Variants in SBK1 observed in about 807,000 individuals in gnomAD.
SBK1 encodes the protein serine/threonine-protein kinase SBK1.
In SBK1, 11 loss-of-function variants were observed where a neutral mutation model predicts 24.4. That is an observed-to-expected ratio of 0.45 (90% CI 0.28 to 0.75). The LOEUF (loss-of-function observed/expected upper bound fraction) is 0.75, where lower values mean the gene tolerates loss of function less well. SBK1 is among the 30% of genes least tolerant of loss of function. SBK1 has a pLI of 0.12. For missense variants in SBK1, 467 were observed against 620.5 expected (o/e 0.75, Z 2.63); for synonymous variants, 308 against 284.4 (o/e 1.08, Z -0.83).
At chr16:28,279,284 A>C (rs563068410) in intron 1 of SBK1, among the ~76,000 whole-genome samples, 43 of 151,986 alleles carry the variant, frequency 2.8e-4, no homozygotes, top group South Asian at 1.9e-3. Context: ...CTGTGGTCCC[A>C]GCACTTTGGG....
intron 1 of SBK1, among the ~76,000 whole-genome samples, chr16:28,271,429 C>T (rs1393969627): frequency 5.9e-5 from 9 of 152,004 alleles, no homozygotes; most frequent in African/African-American, 9.7e-5. Context: ...TGGTGGCACA[C>T]GCCTGTAATC....
chr16:28,267,503 G>T (rs1350527182), intron 1 of SBK1, among the ~76,000 whole-genome samples: 1 of 152,210 alleles, frequency 6.6e-6, no homozygotes, highest in Non-Finnish European at 1.5e-5. Flanking sequence ...GCCATGGAAG[G>T]TAACATGTTC....
At chr16:28,286,975 G>A (rs1342533531) in intron 1 of SBK1, 1 of 151,480 alleles carries the variant, frequency 6.6e-6, no homozygotes, top group African/African-American at 2.4e-5. Context: ...GGAGCCTGTA[G>A]TACCAGCTAC....
At chr16:28,281,739 G>T (rs2044534308) in intron 1 of SBK1, among the ~76,000 whole-genome samples, 1 of 152,272 alleles carries the variant, frequency 6.6e-6, no homozygotes, top group Middle Eastern at 3.4e-3. Flanking sequence ...TGTGTAAAAG[G>T]CTTAGAACTC....
At chr16:28,309,663 G>A (rs1034024880) in intron 1 of SBK1, among the ~76,000 whole-genome samples, 1 of 152,192 alleles carries the variant, frequency 6.6e-6, no homozygotes, top group African/African-American at 2.4e-5. Context: ...TCGGGAGGCT[G>A]AGGCAAGAGG....
At position 28,292,917 on chromosome 16, in the gene SBK1, C is replaced by T. The variant is rs2044611576; in HGVS notation, c.-391C>T. ...AGGACTCCCCCTCCTCAGTCTGGGC[C>T]CCCGCCCCAAGACCTAGAACGCAGT... On this transcript the variant is annotated 5_prime_UTR_variant, in exon 1 of 4. Transcript: ENST00000341901. 1.1e-5 allele frequency: 11 copies of T among 974,902 alleles called. No homozygotes were observed. The South Asian group carries it at 4.3e-4, about 38-fold the overall frequency. The allele number at this position is 974,902 out of a possible 1,614,324, so 60.4% of individuals were successfully genotyped here.
At chr16:28,289,698 C>T (rs1355130251), upstream of SBK1, among the ~76,000 whole-genome samples, 1 of 150,846 alleles carries the variant, frequency 6.6e-6, no homozygotes, top group Admixed American at 6.6e-5. Context: ...ACCCGGGAGA[C>T]GGAGGCTGCA....
chr16:28,298,459 G>A (rs1013077743), intron 1 of SBK1, among the ~76,000 whole-genome samples: 3 of 152,228 alleles, frequency 2.0e-5, no homozygotes, highest in Non-Finnish European at 2.9e-5. Flanking sequence ...GAGTGCCCAG[G>A]TTTGAAGCCC....
In SBK1 at chr16:28,317,229, G is replaced by C. The variant is rs1350420843; in HGVS notation, c.-7-156G>C. 2.6e-5 allele frequency among the ~76,000 whole-genome samples: 4 copies of C among 152,198 alleles called. No individual in the cohort carries two copies. The highest frequency in any genetic ancestry group is 9.7e-5 in the African/African-American group (4 of 41,450). On this transcript the variant is annotated intron_variant, in intron 1 of 3. Coordinates refer to ENST00000341901, the MANE Select transcript of SBK1 (RefSeq NM_001024401.3). The surrounding 1 kb of genome is among the most constrained non-coding windows in gnomAD (Gnocchi z 4.2). Reference sequence around the variant, plus strand: ...TGGCCCCTGAGGCTTTGGGGAAGGCGACGCGACCAAGATGCTTGTCGCCCC... The same window carrying C: ...TGGCCCCTGAGGCTTTGGGGAAGGCCACGCGACCAAGATGCTTGTCGCCCC...
chr16:28,273,665 C>T (rs1263618910), intron 1 of SBK1, among the ~76,000 whole-genome samples: 1 of 152,182 alleles, frequency 6.6e-6, no homozygotes, highest in Non-Finnish European at 1.5e-5. Context: ...AACTCCTGAG[C>T]TCAAGCAGTC....
chr16:28,266,729 TTTTC>T (rs1431975454), intron 1 of SBK1, among the ~76,000 whole-genome samples: 2 of 123,314 alleles, frequency 1.6e-5, no homozygotes, highest in African/African-American at 7.0e-5. Flanking sequence ...TTCTTTTTTC[TTTTC>T]TTTTTTTTTT....
At chr16:28,261,696 A>C (rs1195579920) in intron 1 of SBK1, among the ~76,000 whole-genome samples, 1 of 152,210 alleles carries the variant, frequency 6.6e-6, no homozygotes, top group Non-Finnish European at 1.5e-5. Flanking sequence ...CTACACTCCC[A>C]GACCCTGCAT....
chr16:28,304,911 G>GT (rs2044705431), intron 1 of SBK1, among the ~76,000 whole-genome samples: 1 of 151,658 alleles, frequency 6.6e-6, no homozygotes, highest in Admixed American at 6.6e-5. Context: ...CACGGCAGCG[G>GT]TAATTTTTTT....
In SBK1 at chr16:28,292,540, C is replaced by G. The variant is rs1415112500; in HGVS notation, c.-768C>G. On this transcript the variant is annotated 5_prime_UTR_variant, in exon 1 of 4. Transcript: ENST00000341901. ...GCGGAGCCGCGATGCCGCGATGGAG[C>G]GCAGCCCGGGCGGGCGCCGGGGCCG... 1.3e-4 allele frequency: 124 copies of G among 978,738 alleles called. No individual in the cohort carries two copies. Among genetic ancestry groups the G allele is most frequent in the Admixed American group, 3.2e-4 (5 of 15,726 alleles). The allele number at this position is 978,738 out of a possible 1,614,324, so 60.6% of individuals were successfully genotyped here. A position where few individuals can be genotyped will look rare whatever the true frequency, so the allele number is the denominator to read the frequency against.
Position 28,259,451 on chromosome 16 carries a change from G to C in SBK1, c.206G>C (p.Cys69Ser). The C allele has an allele frequency of 1.0e-6, 1 of 986,138 alleles. No homozygotes were observed. Among genetic ancestry groups the C allele is most frequent in the Non-Finnish European group, 1.2e-6 (1 of 830,502 alleles). 61.1% of individuals were successfully genotyped at this position (986,138 alleles called of 1,614,324 possible). A position where few individuals can be genotyped will look rare whatever the true frequency, so the allele number is the denominator to read the frequency against. ...GATGTGCCGGCCTTCTGCTTCGTCT[G>C]CTTCCACAGGGAGGAGGAAGAGGAG... Residue 69 changes from cysteine to serine, a missense_variant, in exon 1 of 4, where the codon TGC (cysteine) becomes TCC (serine). Cys to Ser is a moderately radical substitution (Grantham distance 112). Coordinates refer to the SBK1 transcript ENST00000671413. This position sits in a 1 kb window ranked among gnomAD's most constrained non-coding sequence, Gnocchi z 6.0.
chr16:28,259,719 C>T lies in SBK1; in HGVS notation c.257+217C>T, dbSNP rs1180302211. 1.3e-5 allele frequency among the ~76,000 whole-genome samples: 2 copies of T among 152,156 alleles called. No individual in the cohort carries two copies. The highest frequency in any genetic ancestry group is 3.9e-4 in the East Asian group (2 of 5,186). On this transcript the variant is annotated intron_variant, in intron 1 of 3. Coordinates refer to the SBK1 transcript ENST00000671413. This position sits in a 1 kb window ranked among gnomAD's most constrained non-coding sequence, Gnocchi z 6.0. ...CACCCTAGCCCCAGAGTGGCTTTCA[C>T]GTCCTCTCCCACAGTGAGCATGTCC...
rs1202278461 is a variant in SBK1, at chr16:28,317,323, G to C, written c.-7-62G>C. 2 of 1,293,418 alleles carry C rather than the reference G, an allele frequency of 1.5e-6. No individual in the cohort carries two copies. Among genetic ancestry groups the C allele is most frequent in the Non-Finnish European group, 2.2e-6 (2 of 901,750 alleles). The allele number at this position is 1,293,418 out of a possible 1,614,324, so 80.1% of individuals were successfully genotyped here. ...TTTCTGGGTTCTGGGGAGGGCAGAG[G>C]GGCTGGAGGAGGGGACCCTTGCCTG... On this transcript the variant is annotated intron_variant, in intron 1 of 3. Transcript: ENST00000341901. The surrounding 1 kb of genome is among the most constrained non-coding windows in gnomAD (Gnocchi z 4.2).
At chr16:28,281,589 C>T (rs1470969262) in intron 1 of SBK1, among the ~76,000 whole-genome samples, 1 of 152,116 alleles carries the variant, frequency 6.6e-6, no homozygotes, top group Non-Finnish European at 1.5e-5. Flanking sequence ...GTGGTTAGGG[C>T]CTGGACTCAG....
rs536668015 is a variant in SBK1 at position 28,317,992 on chromosome 16, G to C, written c.226+375G>C. Among the ~76,000 whole-genome samples, 29 of 152,246 alleles carry C rather than the reference G, an allele frequency of 1.9e-4. No homozygotes were observed. Among genetic ancestry groups the C allele is most frequent in the Admixed American group, 7.2e-4 (11 of 15,294 alleles). On this transcript the variant is annotated intron_variant, in intron 2 of 3. Coordinates refer to ENST00000341901, the MANE Select transcript of SBK1 (RefSeq NM_001024401.3). This position sits in a 1 kb window ranked among gnomAD's most constrained non-coding sequence, Gnocchi z 4.2. ...GTCTGGCCCCAGGAAGGTGGATGGA[G>C]AGTGAGGGTGGTTCCTCAGGAACAG...
Sources: gnomAD v4.1 joint callset for allele counts (sites outside exome capture counted in the v4.1 genomes callset) on GRCh38, gnomAD v4.1.1 for gene constraint, Gnocchi (gnomAD v3.1) non-coding constraint, MANE v1.5 for transcripts, NCBI Gene and HGNC (gene_info 2026-07-23, HGNC 2026-07-21) for gene names.